KIF26B: variants seen among roughly 807,000 people sequenced by gnomAD.
KIF26B encodes kinesin family member 26B.
In KIF26B, 63 loss-of-function variants were observed where a neutral mutation model predicts 151.2. The observed-to-expected ratio is 0.42, with a 90% CI of 0.34 to 0.51. The LOEUF (loss-of-function observed/expected upper bound fraction) is 0.51, where lower values mean the gene tolerates loss of function less well. Ranked by LOEUF, KIF26B falls within the 20% of genes least tolerant of loss-of-function variation. The probability of loss-of-function intolerance (pLI) is 0.07; values close to 1 mark genes in which losing one functional copy is unlikely to be tolerated. For missense variants in KIF26B, 2,813 were observed against 2,913.6 expected (o/e 0.97, Z 0.79); for synonymous variants, 1,357 against 1,262.1 (o/e 1.08, Z -1.59).
At chr1:245,287,292 G>C (rs968862589) in intron 2 of KIF26B, among the ~76,000 whole-genome samples, 2 of 151,654 alleles carry the variant, frequency 1.3e-5, no homozygotes, top group Non-Finnish European at 2.9e-5. Flanking sequence ...GGTTCATTTC[G>C]TGTACTGGTT....
chr1:245,587,120 C>T (rs2043236130), intron 5 of KIF26B, among the ~76,000 whole-genome samples: 1 of 150,948 alleles, frequency 6.6e-6, no homozygotes, highest in Non-Finnish European at 1.5e-5. Context: ...GGTCAGCCTG[C>T]CCCCCTGCAC....
At chr1:245,327,197 C>T (rs1558390133) in intron 2 of KIF26B, among the ~76,000 whole-genome samples, 1 of 152,206 alleles carries the variant, frequency 6.6e-6, no homozygotes, top group South Asian at 2.1e-4. Flanking sequence ...CCCTGAATCT[C>T]GAGCTTCCTT....
intron 2 of KIF26B, among the ~76,000 whole-genome samples, chr1:245,302,657 T>C (rs1163277476): frequency 6.6e-6 from 1 of 152,144 alleles, no homozygotes; most frequent in African/African-American, 2.4e-5. Flanking sequence ...TCAGGGAATT[T>C]GTTATTTCTT....
At chr1:245,691,618 T>C (rs2044627809) in intron 12 of KIF26B, among the ~76,000 whole-genome samples, 1 of 152,200 alleles carries the variant, frequency 6.6e-6, no homozygotes, top group Non-Finnish European at 1.5e-5. Context: ...TCCAAGGAAA[T>C]TCCTAACTAG....
At chr1:245,518,565 G>A (rs568706486) in intron 4 of KIF26B, among the ~76,000 whole-genome samples, 3 of 152,186 alleles carry the variant, frequency 2.0e-5, no homozygotes, top group African/African-American at 4.8e-5. Flanking sequence ...ATTTTATACC[G>A]TGTTTTAGGC....
intron 4 of KIF26B, among the ~76,000 whole-genome samples, chr1:245,500,991 A>G (rs1217557381): frequency 6.6e-6 from 1 of 152,122 alleles, no homozygotes. Flanking sequence ...CTAATGACGA[A>G]CTCATTAAAA....
Position 245,560,396 on chromosome 1 carries a change from T to C in KIF26B, c.1350+19446T>C, listed in dbSNP as rs903143799. ...TGCTGCCTGACAGCTTGCTATTTTC[T>C]TTCTTTCCTGTGAGATAAAAATGTA... is the stretch of plus-strand genomic sequence containing the variant. On this transcript the variant is annotated intron_variant, in intron 5 of 14. Transcript: ENST00000407071. This position sits in a 1 kb window ranked among gnomAD's most constrained non-coding sequence, Gnocchi z 4.3. 2.6e-5 allele frequency among the ~76,000 whole-genome samples: 4 copies of C among 152,206 alleles called. No homozygotes were observed. Among genetic ancestry groups the C allele is most frequent in the African/African-American group, 9.6e-5 (4 of 41,468 alleles).
chr1:245,171,173 T>C (rs772122059), intron 2 of KIF26B, among the ~76,000 whole-genome samples: 16 of 152,156 alleles, frequency 1.1e-4, no homozygotes, highest in South Asian at 1.0e-3. Context: ...TAGAGTAGAG[T>C]TCATCACATT....
rs1025786359 is a variant in KIF26B, at chr1:245,521,834, G to A, written c.1167-18933G>A. 5.9e-5 allele frequency among the ~76,000 whole-genome samples: 9 copies of A among 152,210 alleles called. No homozygotes were observed. The East Asian group carries it at 7.7e-4, about 13-fold the overall frequency. ...ATAATTACAGCCCATTGTAAGAAGC[G>A]GTAAGGTGCTTTTGTACCCTTTTGG... On this transcript the variant is annotated intron_variant, in intron 4 of 14. Coordinates refer to ENST00000407071, the MANE Select transcript of KIF26B (RefSeq NM_018012.4).
intron 4 of KIF26B, among the ~76,000 whole-genome samples, chr1:245,487,646 G>A (rs1402345830): frequency 1.3e-5 from 2 of 152,148 alleles, no homozygotes; most frequent in East Asian, 3.9e-4. Flanking sequence ...ATTTGCCCAG[G>A]CTGGAGTGCA....
chr1:245,696,638 G>GA (rs1308792733), intron 12 of KIF26B, among the ~76,000 whole-genome samples: 31 of 152,260 alleles, frequency 2.0e-4, no homozygotes, highest in Non-Finnish European at 4.0e-4. Context: ...TGATTTAAAA[G>GA]AAAAAAACCC....
intron 2 of KIF26B, among the ~76,000 whole-genome samples, chr1:245,359,512 A>G (rs919788475): frequency 6.6e-6 from 1 of 152,202 alleles, no homozygotes. Flanking sequence ...TCTTAGTTCC[A>G]TGGAAATGAA....
At chr1:245,562,698 A>G (rs940368582) in intron 5 of KIF26B, among the ~76,000 whole-genome samples, 10 of 150,320 alleles carry the variant, frequency 6.7e-5, no homozygotes, top group African/African-American at 2.4e-4. Context: ...ATAGAATCTG[A>G]AAAATCATTG....
chr1:245,540,450 C>G lies in KIF26B; in HGVS notation c.1167-317C>G, dbSNP rs920852621. 36 of 561,290 alleles carry G rather than the reference C, an allele frequency of 6.4e-5. No homozygotes were observed. The highest frequency in any genetic ancestry group is 1.1e-4 in the Non-Finnish European group (33 of 298,584). The allele number at this position is 561,290 out of a possible 1,614,324, so 34.8% of individuals were successfully genotyped here. On this transcript the variant is annotated intron_variant, in intron 4 of 14. Coordinates refer to ENST00000407071, the MANE Select transcript of KIF26B (RefSeq NM_018012.4). This position sits in a 1 kb window ranked among gnomAD's most constrained non-coding sequence, Gnocchi z 4.6. ...TGGAGTGATGAACTTAATGGGTGCC[C>G]TTATCCCCAAAGATGCCCAGCTTTG...
At chr1:245,418,403 G>T (rs530328389) in intron 3 of KIF26B, among the ~76,000 whole-genome samples, 11 of 152,380 alleles carry the variant, frequency 7.2e-5, no homozygotes, top group Middle Eastern at 3.4e-3. Flanking sequence ...GGCTTTCCAA[G>T]TAAGAGCATG....
At position 245,583,497 on chromosome 1, in the gene KIF26B, C is replaced by A. The variant is rs541180587; in HGVS notation, c.1351-19080C>A. Among the ~76,000 whole-genome samples, 5 of 152,322 alleles carry A rather than the reference C, an allele frequency of 3.3e-5. No individual in the cohort carries two copies. The South Asian group carries it at 1.0e-3, about 32-fold the overall frequency. Reference sequence around the variant, plus strand: ...CCAGATACCCAAGCCTGACCTTGACCTGCTGGGGGAAATTCATTATATTCT... The same window carrying A: ...CCAGATACCCAAGCCTGACCTTGACATGCTGGGGGAAATTCATTATATTCT... On this transcript the variant is annotated intron_variant, in intron 5 of 14. Coordinates refer to ENST00000407071, the MANE Select transcript of KIF26B (RefSeq NM_018012.4).
intron 10 of KIF26B, among the ~76,000 whole-genome samples, chr1:245,679,737 G>A (rs1467610923): frequency 1.3e-5 from 2 of 152,136 alleles, no homozygotes; most frequent in African/African-American, 2.4e-5. Flanking sequence ...TCAAAGTGTG[G>A]GGATTACAGG....
intron 4 of KIF26B, among the ~76,000 whole-genome samples, chr1:245,529,244 T>A (rs1661308672): frequency 6.6e-6 from 1 of 152,118 alleles, no homozygotes; most frequent in Non-Finnish European, 1.5e-5. Flanking sequence ...TGCTGTATAA[T>A]GAGCCGAGAG....
chr1:245,685,631 A>G lies in KIF26B; in HGVS notation c.2648A>G (p.Asn883Ser), dbSNP rs773793013. 6.2e-7 allele frequency: 1 copy of G among 1,613,500 alleles called. No homozygotes were observed. Among genetic ancestry groups the G allele is most frequent in the Non-Finnish European group, 8.5e-7 (1 of 1,179,792 alleles). Residue 883 changes from asparagine to serine, a missense_variant, in exon 12 of 15, where the codon AAC becomes AGC. Transcript: ENST00000407071. Reference protein sequence around the residue: ...TALSDKELTDNEGPPDFVPIV... With the variant: ...TALSDKELTDSEGPPDFVPIV... The stretch of plus-strand genomic sequence containing the variant: ...CTCTCTGACAAGGAGCTCACCGACA[A>G]CGAGGGCCCCCCAGACTTTGTCCCT...
Sources: allele counts gnomAD v4.1 joint callset (sites outside exome capture counted in the v4.1 genomes callset), GRCh38; gene constraint gnomAD v4.1.1; non-coding constraint Gnocchi (gnomAD v3.1); transcripts MANE v1.5; gene names NCBI Gene and HGNC (gene_info 2026-07-23, HGNC 2026-07-21).